Variants in COP1 observed in about 807,000 individuals in gnomAD.
COP1 encodes E3 ubiquitin-protein ligase COP1.
A neutral mutation model predicts 101.3 loss-of-function variants in COP1; 24 were observed. The observed-to-expected ratio is 0.24, with a 90% CI of 0.17 to 0.33. The LOEUF is 0.33. Ranked by LOEUF, COP1 falls within the 10% of genes least tolerant of loss-of-function variation. The pLI, the probability that COP1 is intolerant of heterozygous loss-of-function variation, is 1.00. For missense variants in COP1, 663 were observed against 906.2 expected (o/e 0.73, Z 3.45); for synonymous variants, 347 against 341.9 (o/e 1.01, Z -0.17).
At chr1:176,051,866 G>GT (rs1558006842) in intron 11 of COP1, among the ~76,000 whole-genome samples, 1 of 152,046 alleles carries the variant, frequency 6.6e-6, no homozygotes, top group Non-Finnish European at 1.5e-5. Context: ...TTTTTGTATA[G>GT]TTGTTCAATG....
chr1:176,197,021 G>A (rs760142204), intron 1 of COP1, among the ~76,000 whole-genome samples: 5 of 151,996 alleles, frequency 3.3e-5, no homozygotes, highest in Non-Finnish European at 1.5e-5. Context: ...TCCATCCCTC[G>A]CAAAAGAAAA....
At chr1:176,116,722 A>G (rs1157860230) in intron 8 of COP1, 41 bp from the exon 9 acceptor site, 4 of 1,401,812 alleles carry the variant, frequency 2.9e-6, no homozygotes. Flanking sequence ...CAGTATTTAC[A>G]TTATTTTAAC....
At chr1:176,001,143 T>C in intron 15 of COP1, among the ~76,000 whole-genome samples, 1 of 152,102 alleles carries the variant, frequency 6.6e-6, no homozygotes, top group East Asian at 1.9e-4. Context: ...GAACACTCTC[T>C]TCAAGGCTAC....
At chr1:175,947,370 ATTTTTT>A in intron 18 of COP1, 131 bp from the exon 19 acceptor site, 3 of 490,198 alleles carry the variant, frequency 6.1e-6, no homozygotes, top group East Asian at 3.7e-5. Flanking sequence ...TGAAGATACA[ATTTTTT>A]TTTTTTTTTT....
rs184179067 is a variant in COP1 at position 176,060,256 on chromosome 1, T to C, written c.1278-13932A>G. ...ATACACTACCTGATAGACTATATTC[T>C]GAAAAACTTTTGTGAATATCAAGTG... On this transcript the variant is annotated intron_variant, in intron 11 of 19. Transcript: ENST00000367669. Among the ~76,000 whole-genome samples the C allele has an allele frequency of 1.9e-3, 297 of 152,316 alleles. 9 individuals carry two copies. In the East Asian group the frequency reaches 0.048, roughly 25 times the overall value.
chr1:176,112,355 C>T (rs147014424), intron 9 of COP1, among the ~76,000 whole-genome samples: 1 of 151,678 alleles, frequency 6.6e-6, no homozygotes, highest in African/African-American at 2.4e-5. Flanking sequence ...GGTACATGTG[C>T]ACAACGTGCA....
chr1:176,048,155 GCTTC>G (rs1414714249), intron 11 of COP1, among the ~76,000 whole-genome samples: 5 of 148,738 alleles, frequency 3.4e-5, no homozygotes, highest in Non-Finnish European at 7.4e-5. Context: ...AGCTTTAAAT[GCTTC>G]CTTAATTTTA....
At chr1:176,143,729 T>C (rs1691110281) in intron 6 of COP1, among the ~76,000 whole-genome samples, 2 of 152,038 alleles carry the variant, frequency 1.3e-5, no homozygotes, top group Non-Finnish European at 2.9e-5. Context: ...TTCAGTGATA[T>C]AACTAAGATA....
chr1:176,110,723 G>A (rs2149558455), intron 9 of COP1, among the ~76,000 whole-genome samples: 1 of 152,276 alleles, frequency 6.6e-6, no homozygotes, highest in East Asian at 1.9e-4. Context: ...TTGAATAAAT[G>A]AGTATTTAAA....
intron 9 of COP1, among the ~76,000 whole-genome samples, chr1:176,099,661 T>C (rs1371926517): frequency 6.6e-6 from 1 of 152,112 alleles, no homozygotes; most frequent in Non-Finnish European, 1.5e-5. Context: ...ACTGGAGAAA[T>C]GTTGTTTTAC....
intron 8 of COP1, among the ~76,000 whole-genome samples, chr1:176,131,319 A>C (rs1272999826): frequency 2.0e-5 from 3 of 151,882 alleles, no homozygotes; most frequent in African/African-American, 7.2e-5. Flanking sequence ...ACAAGGCAGA[A>C]GCAGTAAAAT....
chr1:176,164,113 A>G (rs1245820070), intron 3 of COP1, among the ~76,000 whole-genome samples: 1 of 152,216 alleles, frequency 6.6e-6, no homozygotes, highest in African/African-American at 2.4e-5. Context: ...AGAATTCTTC[A>G]GAATATGTAT....
intron 13 of COP1, 62 bp from the exon 14 acceptor site, chr1:176,043,329 A>G: frequency 1.0e-6 from 1 of 1,004,680 alleles, no homozygotes; most frequent in Non-Finnish European, 1.5e-6. Flanking sequence ...GAATAAAGCA[A>G]GAAAAAAAAA....
At chr1:175,970,034 T>G (rs1652930224) in intron 18 of COP1, among the ~76,000 whole-genome samples, 1 of 152,162 alleles carries the variant, frequency 6.6e-6, no homozygotes, top group Admixed American at 6.5e-5. Context: ...CACTCAATCT[T>G]TAACTCCTCT....
chr1:176,173,891 G>A (rs1209427166), intron 3 of COP1, among the ~76,000 whole-genome samples: 3 of 144,318 alleles, frequency 2.1e-5, no homozygotes, highest in South Asian at 2.2e-4. Flanking sequence ...GAGAGACTGC[G>A]GCAGGAGAAT....
intron 11 of COP1, among the ~76,000 whole-genome samples, chr1:176,070,332 G>GA (rs1676738768): frequency 7.2e-6 from 1 of 138,202 alleles, no homozygotes; most frequent in Non-Finnish European, 1.6e-5. Flanking sequence ...CACTTGTGCT[G>GA]CCTTTTTTTT....
At chr1:176,033,829 C>CT (rs1414837160) in intron 14 of COP1, among the ~76,000 whole-genome samples, 1 of 151,984 alleles carries the variant, frequency 6.6e-6, no homozygotes, top group Non-Finnish European at 1.5e-5. Flanking sequence ...CTCAGTTAAA[C>CT]ATTTACTAAA....
chr1:176,037,214 A>T (rs1360469977), intron 14 of COP1, among the ~76,000 whole-genome samples: 1 of 152,104 alleles, frequency 6.6e-6, no homozygotes, highest in Admixed American at 6.6e-5. Flanking sequence ...CGTCCTGGCT[A>T]ACACAGTGAA....
intron 11 of COP1, among the ~76,000 whole-genome samples, chr1:176,058,501 G>C (rs1207767837): frequency 6.6e-6 from 1 of 152,078 alleles, no homozygotes; most frequent in East Asian, 1.9e-4. Context: ...GTCCACTCAG[G>C]GTTAAATGGA....
Sources: gnomAD v4.1 joint callset for allele counts (sites outside exome capture counted in the v4.1 genomes callset) on GRCh38, gnomAD v4.1.1 for gene constraint, MANE v1.5 for transcripts, NCBI Gene and HGNC (gene_info 2026-07-23, HGNC 2026-07-21) for gene names.